TOMM20L: variants seen among roughly 807,000 people sequenced by gnomAD.
The protein encoded by TOMM20L is translocase of outer mitochondrial membrane 20 like, also known as TOMM20-like protein 1.
Under a neutral mutation model 20.4 loss-of-function variants are expected in TOMM20L, and 19 were observed. The observed-to-expected ratio is 0.93, with a 90% CI of 0.65 to 1.36. The LOEUF (loss-of-function observed/expected upper bound fraction) is 1.36, where lower values mean the gene tolerates loss of function less well. TOMM20L is among the 40% of genes most tolerant of loss of function. TOMM20L has a pLI of 0.00. For missense variants in TOMM20L, 218 were observed against 203.7 expected (o/e 1.07, Z -0.43); for synonymous variants, 75 against 79.6 (o/e 0.94, Z 0.30).
intron 2 of TOMM20L, among the ~76,000 whole-genome samples, chr14:58,398,296 G>C (rs1391773904): frequency 6.6e-6 from 1 of 152,214 alleles, no homozygotes; most frequent in Non-Finnish European, 1.5e-5. Context: ...GCCTAGAACA[G>C]AGTCTAGTGC....
intron 3 of TOMM20L, among the ~76,000 whole-genome samples, chr14:58,405,352 A>G (rs912078523): frequency 6.6e-6 from 1 of 152,242 alleles, no homozygotes; most frequent in African/African-American, 2.4e-5. Context: ...GTTCTGAATT[A>G]TAAGTCAGAA....
At chr14:58,410,074 TTTGTTG>T (rs766707637), downstream of TOMM20L, among the ~76,000 whole-genome samples, 5 of 151,638 alleles carry the variant, frequency 3.3e-5, no homozygotes, top group Non-Finnish European at 7.4e-5. Flanking sequence ...GCTGGTGCTT[TTTGTTG>T]TTGTTGTTGT....
intron 3 of TOMM20L, among the ~76,000 whole-genome samples, chr14:58,404,038 C>G (rs11849581): frequency 0.01 from 1,279 of 127,810 alleles, 27 homozygotes; most frequent in African/African-American, 0.036. Context: ...TAAGAAGTAA[C>G]TGATATTGCT....
intron 1 of TOMM20L, 52 bp downstream of exon 1, chr14:58,396,145 T>A: frequency 1.1e-5 from 14 of 1,277,886 alleles, no homozygotes; most frequent in Non-Finnish European, 1.4e-5. Context: ...GCGGGCGGGC[T>A]GCCGGCCGGG....
chr14:58,402,592 A>G, intron 2 of TOMM20L, 88 bp from the exon 3 acceptor site: 1 of 1,079,088 alleles, frequency 9.3e-7, no homozygotes, highest in South Asian at 1.4e-5. Context: ...CTGGCCCAAG[A>G]TGTCCTTTTT....
chr14:58,396,359 C>T lies in TOMM20L; in HGVS notation c.180+18C>T. ...GCACGCAGGTGCAGTGCTTTCGATC[C>T]GCACAGGTAGCTCAGTAGACGCAGG... On this transcript the variant is annotated intron_variant, in intron 2 of 4. Transcript: ENST00000360945. 6.2e-7 allele frequency: 1 copy of T among 1,612,924 alleles called. No homozygotes were observed. Among genetic ancestry groups the T allele is most frequent in the Non-Finnish European group, 8.5e-7 (1 of 1,179,640 alleles).
intron 3 of TOMM20L, among the ~76,000 whole-genome samples, chr14:58,403,829 C>T: frequency 6.6e-6 from 1 of 151,664 alleles, no homozygotes; most frequent in East Asian, 1.9e-4. Flanking sequence ...CAGAGCGAGA[C>T]TCCGGCTCAA....
intron 3 of TOMM20L, among the ~76,000 whole-genome samples, chr14:58,404,286 C>T (rs868282734): frequency 6.1e-4 from 87 of 143,728 alleles, no homozygotes; most frequent in Non-Finnish European, 1.1e-4. Flanking sequence ...CCCACCACTA[C>T]GCCCGGCTAA....
rs575792071 is a variant in TOMM20L at position 58,407,348 on chromosome 14, A to G, written c.285A>G (p.Gln95=). The change falls in exon 4 of 5, where the codon CAA becomes CAG. Residue 95 remains glutamine, a synonymous_variant. Transcript: ENST00000360945. ...CAGGAGAGCACAGAATGGGGATTCAACACCTCGGCAATGCCCTTTTAGTGT... is the reference window on the plus strand; with the variant it reads ...CAGGAGAGCACAGAATGGGGATTCAGCACCTCGGCAATGCCCTTTTAGTGT... The part of the protein sequence containing the change: ...LSRGEHRMGI[Q]HLGNALLVCE... 61 of 1,609,256 alleles carry G rather than the reference A, an allele frequency of 3.8e-5. 1 individual carries two copies. The Admixed American group carries it at 6.8e-4, about 18-fold the overall frequency.
downstream of TOMM20L, among the ~76,000 whole-genome samples, chr14:58,413,015 ATTT>A (rs1259608253): frequency 6.6e-6 from 1 of 152,138 alleles, no homozygotes; most frequent in Admixed American, 6.6e-5. Flanking sequence ...CTTATTTTAA[ATTT>A]TTTACTATTA....
chr14:58,396,020 C>A lies in TOMM20L; in HGVS notation c.63C>A (p.Ala21=). The stretch of plus-strand genomic sequence containing the variant: ...CCGCGGCGGCCTGTGGCGCCTTCGC[C>A]TTCCTGGGCTATTGTATTTACCTCA... ...LAAAAACGAF[A]FLGYCIYLNR... is the part of the protein sequence containing the mutation. Residue 21 remains alanine (A), a synonymous_variant, in exon 1 of 5, where the codon GCC becomes GCA. Coordinates refer to ENST00000360945, the MANE Select transcript of TOMM20L (RefSeq NM_207377.3). 1 of 1,452,002 alleles carries A rather than the reference C, an allele frequency of 6.9e-7. No individual in the cohort carries two copies. Among genetic ancestry groups the A allele is most frequent in the Non-Finnish European group, 9.1e-7 (1 of 1,097,074 alleles). 89.9% of individuals were successfully genotyped at this position (1,452,002 alleles called of 1,614,324 possible).
chr14:58,397,276 ATGTG>A (rs141590875), intron 2 of TOMM20L, among the ~76,000 whole-genome samples: 34 of 151,504 alleles, frequency 2.2e-4, no homozygotes, highest in Admixed American at 4.6e-4. Flanking sequence ...GTGTATATAT[ATGTG>A]TGTGTGTGTG....
intron 3 of TOMM20L, among the ~76,000 whole-genome samples, chr14:58,407,035 T>C (rs907633342): frequency 1.5e-4 from 23 of 152,220 alleles, no homozygotes; most frequent in African/African-American, 5.3e-4. Context: ...CTCAGTATCC[T>C]CTTCCCTCCA....
chr14:58,397,290 GTGTC>G (rs913962167), intron 2 of TOMM20L, among the ~76,000 whole-genome samples: 9 of 152,320 alleles, frequency 5.9e-5, no homozygotes, highest in Non-Finnish European at 8.8e-5. Context: ...GTGTGTGTGT[GTGTC>G]TGTGTATAGA....
intron 2 of TOMM20L, among the ~76,000 whole-genome samples, chr14:58,396,903 G>A (rs1244347893): frequency 6.6e-6 from 1 of 152,232 alleles, no homozygotes; most frequent in African/African-American, 2.4e-5. Context: ...AGACCAGCCT[G>A]GCCAACATGG....
intron 3 of TOMM20L, 58 bp downstream of exon 3, chr14:58,402,819 T>C (rs1401426190): frequency 3.9e-6 from 5 of 1,295,956 alleles, no homozygotes; most frequent in Non-Finnish European, 5.6e-6. Flanking sequence ...GAAATATTTA[T>C]TGATTAGTAT....
At chr14:58,412,157 T>G (rs1595010683), downstream of TOMM20L, 2 of 494,204 alleles carry the variant, frequency 4.0e-6, no homozygotes, top group East Asian at 7.0e-5. Context: ...TTTCTTTTTT[T>G]TTTTGAGACG....
chr14:58,410,086 G>T (rs796685247), downstream of TOMM20L, among the ~76,000 whole-genome samples: 57 of 151,234 alleles, frequency 3.8e-4, no homozygotes, highest in African/African-American at 1.4e-3. Context: ...TGTTGTTGTT[G>T]TTGTTGACAG....
At chr14:58,408,923 T>C (rs770342479), downstream of TOMM20L, 25 of 1,462,566 alleles carry the variant, frequency 1.7e-5, no homozygotes, top group East Asian at 2.3e-5. Context: ...TCATGACAGA[T>C]GGTTGAACAT....
Sources: allele counts gnomAD v4.1 joint callset (sites outside exome capture counted in the v4.1 genomes callset), GRCh38; gene constraint gnomAD v4.1.1; transcripts MANE v1.5; gene names NCBI Gene and HGNC (gene_info 2026-07-23, HGNC 2026-07-21).